Variants in NAALADL2 observed in about 807,000 individuals in gnomAD.
The protein encoded by NAALADL2 is N-acetylated alpha-linked acidic dipeptidase like 2, also known as inactive N-acetylated-alpha-linked acidic dipeptidase-like protein 2.
Under a neutral mutation model 87.2 loss-of-function variants are expected in NAALADL2, and 76 were observed. The observed-to-expected ratio is 0.87, with a 90% CI of 0.72 to 1.05. The LOEUF is 1.05. Ranked by LOEUF, NAALADL2 falls within the 50% of genes least tolerant of loss-of-function variation. The pLI is 0.00. For missense variants in NAALADL2, 1,089 were observed against 945.8 expected (o/e 1.15, Z -1.99); for synonymous variants, 354 against 331.0 (o/e 1.07, Z -0.75).
intron 2 of NAALADL2, among the ~76,000 whole-genome samples, chr3:174,681,661 A>G (rs866975240): frequency 4.6e-5 from 7 of 152,194 alleles, no homozygotes; most frequent in African/African-American, 1.7e-4. Context: ...GCTACTCGCC[A>G]TGATCCTTGA....
intron 1 of NAALADL2, among the ~76,000 whole-genome samples, chr3:174,968,903 G>T (rs2108596626): frequency 6.6e-6 from 1 of 152,224 alleles, no homozygotes; most frequent in South Asian, 2.1e-4. Context: ...AATAAGGAAA[G>T]AAAATTACTA....
chr3:175,596,043 A>T (rs1361705328), intron 10 of NAALADL2, among the ~76,000 whole-genome samples: 1 of 152,096 alleles, frequency 6.6e-6, no homozygotes, highest in East Asian at 1.9e-4. Context: ...ATTTTTAAAT[A>T]TAGATTCAGA....
At chr3:175,779,263 A>G (rs1239902075) in intron 13 of NAALADL2, among the ~76,000 whole-genome samples, 1 of 152,166 alleles carries the variant, frequency 6.6e-6, no homozygotes, top group African/African-American at 2.4e-5. Flanking sequence ...CTGTTTTTCA[A>G]ATGTTTTTTA....
chr3:174,516,328 A>T (rs779640093), intron 1 of NAALADL2, among the ~76,000 whole-genome samples: 1 of 152,064 alleles, frequency 6.6e-6, no homozygotes, highest in African/African-American at 2.4e-5. Context: ...ACTGCTGTAT[A>T]TGTGAAAGGA....
intron 2 of NAALADL2, among the ~76,000 whole-genome samples, chr3:174,732,032 A>C (rs1011593447): frequency 6.6e-6 from 1 of 152,120 alleles, no homozygotes; most frequent in Non-Finnish European, 1.5e-5. Context: ...TTTACTTATA[A>C]AAACAGGCAT....
intron 4 of NAALADL2, among the ~76,000 whole-genome samples, chr3:175,284,547 T>G (rs1322909365): frequency 6.6e-6 from 1 of 152,060 alleles, no homozygotes; most frequent in Admixed American, 6.6e-5. Flanking sequence ...AGTTAGCTTA[T>G]CAATCCAACA....
rs1754956773 is a variant in NAALADL2 at position 175,809,240 on chromosome 3, G to T, written c.*6037G>T. The T allele has an allele frequency of 6.6e-6, 1 of 151,910 alleles. No homozygotes were observed. The highest frequency in any genetic ancestry group is 1.5e-5 in the Non-Finnish European group (1 of 67,934). 9.4% of individuals were successfully genotyped at this position (151,910 alleles called of 1,614,324 possible). On this transcript the variant is annotated 3_prime_UTR_variant, in exon 14 of 14. Coordinates refer to ENST00000454872, the MANE Select transcript of NAALADL2 (RefSeq NM_207015.3). ...ATTGTCCGCAGGAAGCAAAATGCCA[G>T]ATGGTTAAGTGTAGCTCACATAATT...
chr3:174,971,087 G>T (rs908927472), intron 1 of NAALADL2, among the ~76,000 whole-genome samples: 1 of 152,126 alleles, frequency 6.6e-6, no homozygotes, highest in African/African-American at 2.4e-5. Context: ...CAGCAAGCCC[G>T]ATAAACCCAT....
At chr3:175,183,002 G>A (rs969920907) in intron 2 of NAALADL2, among the ~76,000 whole-genome samples, 7 of 151,698 alleles carry the variant, frequency 4.6e-5, no homozygotes, top group African/African-American at 7.3e-5. Flanking sequence ...TACCTTTTGC[G>A]CAAGATTGGA....
chr3:174,683,557 T>C (rs1476555832), intron 2 of NAALADL2, among the ~76,000 whole-genome samples: 1 of 151,844 alleles, frequency 6.6e-6, no homozygotes, highest in Non-Finnish European at 1.5e-5. Context: ...ACTAATATAG[T>C]TGTTATAGAT....
intron 2 of NAALADL2, among the ~76,000 whole-genome samples, chr3:174,718,907 A>T (rs1731450918): frequency 6.6e-6 from 1 of 152,216 alleles, no homozygotes; most frequent in African/African-American, 2.4e-5. Context: ...ATAGGAAAGA[A>T]AATCATTGGA....
chr3:175,320,326 A>G (rs1416145422), intron 4 of NAALADL2, among the ~76,000 whole-genome samples: 3 of 152,226 alleles, frequency 2.0e-5, no homozygotes, highest in Non-Finnish European at 4.4e-5. Context: ...TGTGCTTACC[A>G]AGGAACAGAG....
At chr3:175,654,727 T>G (rs1731217052) in intron 11 of NAALADL2, among the ~76,000 whole-genome samples, 1 of 152,182 alleles carries the variant, frequency 6.6e-6, no homozygotes, top group Admixed American at 6.5e-5. Flanking sequence ...CATTTATTTG[T>G]GAATGGCAGG....
At chr3:175,075,468 A>G (rs975336058) in intron 1 of NAALADL2, among the ~76,000 whole-genome samples, 19 of 152,150 alleles carry the variant, frequency 1.2e-4, no homozygotes, top group African/African-American at 4.3e-4. Context: ...TAATGCCTGT[A>G]TTTCTCCATG....
chr3:174,627,754 T>C (rs1267702566), intron 2 of NAALADL2, among the ~76,000 whole-genome samples: 1 of 152,180 alleles, frequency 6.6e-6, no homozygotes, highest in East Asian at 1.9e-4. Context: ...ACAATACTAG[T>C]TGGCCATTAA....
chr3:175,795,615 G>A (rs767047272), intron 13 of NAALADL2, among the ~76,000 whole-genome samples: 17 of 151,784 alleles, frequency 1.1e-4, no homozygotes, highest in Admixed American at 7.2e-4. Context: ...CCTGGGAGGC[G>A]GAGCTTGCAG....
intron 5 of NAALADL2, among the ~76,000 whole-genome samples, chr3:175,425,594 G>A (rs1379266691): frequency 6.6e-6 from 1 of 152,038 alleles, no homozygotes; most frequent in Non-Finnish European, 1.5e-5. Context: ...TAAGGGGATT[G>A]GAGTCTGTGG....
intron 1 of NAALADL2, among the ~76,000 whole-genome samples, chr3:174,525,418 T>TAGCAAG (rs1364573158): frequency 6.6e-6 from 1 of 151,864 alleles, no homozygotes; most frequent in East Asian, 1.9e-4. Context: ...GCGAGAGCAA[T>TAGCAAG]AGCAAGAGCA....
chr3:175,569,451 C>T (rs1717696386), intron 9 of NAALADL2, among the ~76,000 whole-genome samples: 1 of 152,128 alleles, frequency 6.6e-6, no homozygotes. Context: ...TAGGATATAT[C>T]TTGCTATAGA....
Sources: allele counts gnomAD v4.1 joint callset (sites outside exome capture counted in the v4.1 genomes callset), GRCh38; gene constraint gnomAD v4.1.1; transcripts MANE v1.5; gene names NCBI Gene and HGNC (gene_info 2026-07-23, HGNC 2026-07-21).